The following MPPED2 variants were observed in gnomAD, a reference collection of about 807,000 sequenced individuals.
MPPED2 encodes the protein metallophosphoesterase MPPED2.
In MPPED2, 5 loss-of-function variants were observed where a neutral mutation model predicts 33.0. That is an observed-to-expected ratio of 0.15 (90% CI 0.08 to 0.32). The LOEUF is 0.32. MPPED2 is among the 10% of genes least tolerant of loss of function. The pLI is 1.00. For synonymous variants in MPPED2, 136 were observed against 141.9 expected (o/e 0.96, Z 0.29); for missense variants, 275 against 372.1 (o/e 0.74, Z 2.15).
chr11:30,550,353 C>G (rs491583), intron 2 of MPPED2, among the ~76,000 whole-genome samples: 144,405 of 152,236 alleles, frequency 0.95, 68,573 homozygotes, highest in African/African-American at 0.98. Context: ...ATTTCAATGA[C>G]TGCAGCAGGA....
intron 2 of MPPED2, among the ~76,000 whole-genome samples, chr11:30,540,645 G>A (rs1565166731): frequency 6.6e-6 from 1 of 151,962 alleles, no homozygotes; most frequent in Non-Finnish European, 1.5e-5. Context: ...CTCACTCAGG[G>A]ACTTTGTGAG....
chr11:30,466,852 T>C (rs1159648868), intron 4 of MPPED2, among the ~76,000 whole-genome samples: 2 of 152,180 alleles, frequency 1.3e-5, no homozygotes, highest in Non-Finnish European at 2.9e-5. Flanking sequence ...GATTCTATAA[T>C]TCCATGCCAA....
At chr11:30,388,896 G>C in exon 7 of MPPED2, 1 of 1,564,108 alleles carries the variant, frequency 6.4e-7, no homozygotes, top group Non-Finnish European at 8.7e-7. Context: ...AGACTAGGAA[G>C]TTTTTGAAGG....
At chr11:30,408,163 T>C (rs1196080620), downstream of MPPED2, among the ~76,000 whole-genome samples, 2 of 152,244 alleles carry the variant, frequency 1.3e-5, no homozygotes, top group East Asian at 3.9e-4. Context: ...GCAGCCACAC[T>C]GTCCCAAGGG....
chr11:30,497,924 T>A (rs1460235964), intron 3 of MPPED2, among the ~76,000 whole-genome samples: 1 of 152,206 alleles, frequency 6.6e-6, no homozygotes, highest in African/African-American at 2.4e-5. Context: ...CTATCCTCTG[T>A]TACCGATGTT....
intron 2 of MPPED2, among the ~76,000 whole-genome samples, chr11:30,542,534 G>GT (rs1433670790): frequency 6.6e-6 from 1 of 151,024 alleles, no homozygotes; most frequent in Non-Finnish European, 1.5e-5. Context: ...GAAGGCTGAG[G>GT]TAAGAGGATC....
chr11:30,426,921 C>G (rs920392130), intron 4 of MPPED2, among the ~76,000 whole-genome samples: 9 of 152,094 alleles, frequency 5.9e-5, no homozygotes. Context: ...AAACCAGGAC[C>G]ACAACACACA....
intron 2 of MPPED2, among the ~76,000 whole-genome samples, chr11:30,578,061 G>C (rs1957005024): frequency 6.6e-6 from 1 of 152,100 alleles, no homozygotes; most frequent in Admixed American, 6.6e-5. Context: ...AATAATAATG[G>C]AGGTGGTATA....
At chr11:30,494,868 A>G (rs1952180819) in intron 4 of MPPED2, among the ~76,000 whole-genome samples, 1 of 152,196 alleles carries the variant, frequency 6.6e-6, no homozygotes, top group South Asian at 2.1e-4. Context: ...ATAAAACATA[A>G]CAATGATTTA....
chr11:30,460,276 T>C lies in MPPED2; in HGVS notation c.536+35020A>G, dbSNP rs368072839. On this transcript the variant is annotated intron_variant, in intron 4 of 6. Transcript: ENST00000358117. ...CTGCTTCCCGTGGCGACAATATAAG[T>C]GCAGTGTCCAACTTTCCCCCTCACC... Among the ~76,000 whole-genome samples, 4 of 152,288 alleles carry C rather than the reference T, an allele frequency of 2.6e-5. No homozygotes were observed. The East Asian group carries it at 7.7e-4, about 29-fold the overall frequency.
In MPPED2 at chr11:30,478,287, C is replaced by A. The variant is rs563264214; in HGVS notation, c.536+17009G>T. On this transcript the variant is annotated intron_variant, in intron 4 of 6. Coordinates refer to ENST00000358117, the MANE Select transcript of MPPED2 (RefSeq NM_001584.3). ...TAACTAAAAGAGAAACCCACAGTAA[C>A]TTTTGTATTAAGTTCGAAACCAATA... Among the ~76,000 whole-genome samples the A allele has an allele frequency of 5.3e-5, 8 of 152,116 alleles. No individual in the cohort carries two copies. In the South Asian group the frequency reaches 6.2e-4, roughly 12 times the overall value.
At chr11:30,470,784 C>G (rs550361827) in intron 4 of MPPED2, among the ~76,000 whole-genome samples, 3 of 152,252 alleles carry the variant, frequency 2.0e-5, no homozygotes, top group East Asian at 3.9e-4. Flanking sequence ...ATTCTTTATC[C>G]TAACCCTTAG....
intron 6 of MPPED2, among the ~76,000 whole-genome samples, chr11:30,403,188 C>G (rs919918052): frequency 6.7e-6 from 1 of 149,506 alleles, no homozygotes; most frequent in Non-Finnish European, 1.5e-5. Context: ...CGGAGCTTGC[C>G]GTGAGCCGAG....
At chr11:30,543,125 A>G (rs997785390) in intron 2 of MPPED2, among the ~76,000 whole-genome samples, 9 of 152,252 alleles carry the variant, frequency 5.9e-5, no homozygotes, top group African/African-American at 2.2e-4. Context: ...TCCTAAATGA[A>G]AAAAATGCAT....
intron 6 of MPPED2, among the ~76,000 whole-genome samples, chr11:30,405,079 A>G (rs550221776): frequency 6.6e-6 from 1 of 152,154 alleles, no homozygotes; most frequent in South Asian, 2.1e-4. Flanking sequence ...AGGTTGGGGG[A>G]TCCAGAAAAG....
chr11:30,493,450 C>T (rs1211847232), intron 4 of MPPED2, among the ~76,000 whole-genome samples: 1 of 151,858 alleles, frequency 6.6e-6, no homozygotes, highest in Non-Finnish European at 1.5e-5. Flanking sequence ...AGTGACCAAT[C>T]TGAATTCAGT....
intron 4 of MPPED2, among the ~76,000 whole-genome samples, chr11:30,491,781 T>C (rs1224273202): frequency 6.6e-6 from 1 of 152,232 alleles, no homozygotes; most frequent in African/African-American, 2.4e-5. Context: ...GCTCTGGGAA[T>C]ATTAATTTTG....
intron 3 of MPPED2, among the ~76,000 whole-genome samples, chr11:30,516,035 G>A (rs1953515188): frequency 6.6e-6 from 1 of 152,148 alleles, no homozygotes; most frequent in Admixed American, 6.6e-5. Context: ...CATGGTATGA[G>A]TAACCACACC....
At chr11:30,466,446 A>C (rs1053566029) in intron 4 of MPPED2, among the ~76,000 whole-genome samples, 7 of 152,232 alleles carry the variant, frequency 4.6e-5, no homozygotes, top group Non-Finnish European at 1.0e-4. Flanking sequence ...GCTCAGCTGG[A>C]GGCCAGGAGC....
Sources: allele counts gnomAD v4.1 joint callset (sites outside exome capture counted in the v4.1 genomes callset), GRCh38; gene constraint gnomAD v4.1.1; transcripts MANE v1.5; gene names NCBI Gene and HGNC (gene_info 2026-07-23, HGNC 2026-07-21).